Variants in CHST8 observed in about 807,000 individuals in gnomAD.
CHST8 encodes carbohydrate sulfotransferase 8, also known as GALNAC-4-ST1.
Under a neutral mutation model 15.0 loss-of-function variants are expected in CHST8, and 10 were observed. The ratio of observed to expected loss-of-function variants is 0.67; its 90% CI spans 0.41 to 1.13. The LOEUF is 1.13. Ranked by LOEUF, CHST8 falls within the 50% of genes most tolerant of loss-of-function variation. The pLI, the probability that CHST8 is intolerant of heterozygous loss-of-function variation, is 0.00. For missense variants in CHST8, 634 were observed against 608.2 expected (o/e 1.04, Z -0.45); for synonymous variants, 259 against 256.6 (o/e 1.01, Z -0.09).
intron 2 of CHST8, among the ~76,000 whole-genome samples, chr19:33,673,001 A>C (rs1408068839): frequency 6.6e-6 from 1 of 152,202 alleles, no homozygotes; most frequent in African/African-American, 2.4e-5. Context: ...AGATTCCCCA[A>C]ATCCTCAGAA....
At chr19:33,644,837 G>A (rs1189062853) in intron 1 of CHST8, among the ~76,000 whole-genome samples, 1 of 152,236 alleles carries the variant, frequency 6.6e-6, no homozygotes, top group Non-Finnish European at 1.5e-5. Context: ...TGTGGGGTTA[G>A]GGAGGAAGGG....
chr19:33,684,057 G>A (rs1400006297), intron 2 of CHST8, among the ~76,000 whole-genome samples: 2 of 152,234 alleles, frequency 1.3e-5, no homozygotes, highest in East Asian at 3.9e-4. Flanking sequence ...TCAGTCTTTG[G>A]CCACGCTCTC....
intron 3 of CHST8, among the ~76,000 whole-genome samples, chr19:33,691,800 A>T (rs1973103277): frequency 6.6e-6 from 1 of 152,206 alleles, no homozygotes; most frequent in South Asian, 2.1e-4. Flanking sequence ...TTGCCCTGCC[A>T]TCCTGATCAG....
intron 3 of CHST8, among the ~76,000 whole-genome samples, chr19:33,726,058 A>G (rs1216054523): frequency 6.6e-6 from 1 of 152,190 alleles, no homozygotes; most frequent in African/African-American, 2.4e-5. Flanking sequence ...TTCCTCCTGT[A>G]AGAACCGGGG....
At chr19:33,702,457 A>G (rs1372828137) in intron 3 of CHST8, among the ~76,000 whole-genome samples, 1 of 152,238 alleles carries the variant, frequency 6.6e-6, no homozygotes. Flanking sequence ...GATTGTGGCA[A>G]CTGTCAGCTC....
intron 2 of CHST8, among the ~76,000 whole-genome samples, chr19:33,682,732 C>A (rs935071541): frequency 6.6e-6 from 1 of 152,214 alleles, no homozygotes; most frequent in Non-Finnish European, 1.5e-5. Flanking sequence ...GTGTTGCTAT[C>A]ATTGACTTTT....
At chr19:33,632,454 C>T (rs1007085722) in intron 1 of CHST8, among the ~76,000 whole-genome samples, 2 of 151,934 alleles carry the variant, frequency 1.3e-5, no homozygotes, top group African/African-American at 4.8e-5. Flanking sequence ...CACACCCAGC[C>T]AAATCATTTT....
intron 1 of CHST8, among the ~76,000 whole-genome samples, chr19:33,650,049 G>A (rs1972413914): frequency 6.6e-6 from 1 of 152,170 alleles, no homozygotes; most frequent in African/African-American, 2.4e-5. Context: ...ATAACTTGGT[G>A]TCTTACTGCC....
chr19:33,704,735 C>A (rs1385596031), intron 3 of CHST8, among the ~76,000 whole-genome samples: 1 of 152,114 alleles, frequency 6.6e-6, no homozygotes, highest in Non-Finnish European at 1.5e-5. Context: ...CGTGGTGAAA[C>A]CCCATCTCTA....
chr19:33,670,729 C>T (rs190520354), intron 2 of CHST8, among the ~76,000 whole-genome samples: 19 of 152,296 alleles, frequency 1.2e-4, no homozygotes, highest in South Asian at 4.2e-4. Context: ...AGGCGTTCAG[C>T]CTTTGCCAAC....
At chr19:33,741,546 C>A (rs1974194304) in intron 3 of CHST8, among the ~76,000 whole-genome samples, 1 of 152,118 alleles carries the variant, frequency 6.6e-6, no homozygotes. Flanking sequence ...ATCATCCCAC[C>A]AACATGGTGG....
At chr19:33,636,251 G>A (rs1972199502) in intron 1 of CHST8, among the ~76,000 whole-genome samples, 1 of 152,130 alleles carries the variant, frequency 6.6e-6, no homozygotes, top group African/African-American at 2.4e-5. Flanking sequence ...ATTAAGCACG[G>A]ACCTCTCGCG....
At chr19:33,670,974 G>C (rs1972729274) in intron 2 of CHST8, among the ~76,000 whole-genome samples, 1 of 152,156 alleles carries the variant, frequency 6.6e-6, no homozygotes, top group Non-Finnish European at 1.5e-5. Flanking sequence ...GGTAAGTGGA[G>C]GAGCCAGAGT....
chr19:33,705,669 C>A (rs1463729812), intron 3 of CHST8, among the ~76,000 whole-genome samples: 1 of 152,166 alleles, frequency 6.6e-6, no homozygotes, highest in Admixed American at 6.5e-5. Context: ...CTGCTTCCCA[C>A]AGTGATGGGG....
In CHST8 at chr19:33,635,276, T is replaced by C. The variant is rs374083365; in HGVS notation, c.-164+12980T>C. Among the ~76,000 whole-genome samples the C allele has an allele frequency of 2.6e-5, 4 of 152,254 alleles. No homozygotes were observed. The South Asian group carries it at 8.3e-4, about 32-fold the overall frequency. ...AGACCGTGGTGAAGCCTCCTTTCTT[T>C]GGGTGTGGCTTGCCCCTCCCTCCTC... On this transcript the variant is annotated intron_variant, in intron 1 of 4. Transcript: ENST00000650847.
At position 33,694,093 on chromosome 19, in the gene CHST8, C is replaced by CATATATATATAT. The variant is rs3040787; in HGVS notation, c.130+4728_130+4739dup. ...CATACAGATTCTGTTGTAGTTTATTCATATATATATATATATATATATATA... is the reference window on the plus strand; with the variant it reads ...CATACAGATTCTGTTGTAGTTTATTCATATATATATATATATATATATATATATATATATATA... On this transcript the variant is annotated intron_variant, in intron 3 of 4. Transcript: ENST00000650847. Among the ~76,000 whole-genome samples the CATATATATATAT allele has an allele frequency of 1.4e-3, 43 of 31,390 alleles. 2 individuals carry two copies. The highest frequency in any genetic ancestry group is 2.0e-3 in the Non-Finnish European group (35 of 17,504). 20.6% of individuals were successfully genotyped at this position (31,390 alleles called of 152,430 possible). A position where few individuals can be genotyped will look rare whatever the true frequency, so the allele number is the denominator to read the frequency against.
chr19:33,708,252 A>T (rs77182374), intron 3 of CHST8, among the ~76,000 whole-genome samples: 4,375 of 152,278 alleles, frequency 0.029, 151 homozygotes, highest in African/African-American at 0.08. Flanking sequence ...GTGCAATTCA[A>T]CATGTTTTTC....
chr19:33,750,171 C>A (rs1974386836), intron 3 of CHST8, among the ~76,000 whole-genome samples: 1 of 152,194 alleles, frequency 6.6e-6, no homozygotes. Context: ...GTGGTGACAG[C>A]ATGAGGTCAC....
chr19:33,727,004 T>C (rs1015157649), intron 3 of CHST8, among the ~76,000 whole-genome samples: 6 of 151,746 alleles, frequency 4.0e-5, no homozygotes, highest in Non-Finnish European at 7.4e-5. Context: ...GCCCAGCCCT[T>C]CCGTGCCACT....
Sources: allele counts gnomAD v4.1 joint callset (sites outside exome capture counted in the v4.1 genomes callset), GRCh38; gene constraint gnomAD v4.1.1; transcripts MANE v1.5; gene names NCBI Gene and HGNC (gene_info 2026-07-23, HGNC 2026-07-21).